ANK3: variants seen among roughly 807,000 people sequenced by gnomAD.
ANK3 encodes ankyrin-3.
ANK3 carries 57 observed loss-of-function variants against 370.9 expected under a neutral mutation model. The ratio of observed to expected loss-of-function variants is 0.15; its 90% CI spans 0.12 to 0.19. The LOEUF is 0.19. Ranked by LOEUF, ANK3 falls within the 10% of genes least tolerant of loss-of-function variation. ANK3 has a pLI of 1.00. For synonymous variants in ANK3, 1,929 were observed against 1,946.3 expected (o/e 0.99, Z 0.23); for missense variants, 4,439 against 5,302.1 (o/e 0.84, Z 5.06).
intron 2 of ANK3, among the ~76,000 whole-genome samples, chr10:60,574,022 C>A (rs192355785): frequency 9.5e-4 from 145 of 152,206 alleles, no homozygotes; most frequent in African/African-American, 3.3e-3. Flanking sequence ...AAAAACAAGT[C>A]ACAGAGGGCT....
In ANK3 at chr10:60,254,242, T is replaced by C. The variant is rs574000894; in HGVS notation, c.798+7617A>G. 4.0e-4 allele frequency among the ~76,000 whole-genome samples: 60 copies of C among 150,888 alleles called. 1 individual carries two copies. Among genetic ancestry groups the C allele is most frequent in the Admixed American group, 1.1e-3 (17 of 15,204 alleles). On this transcript the variant is annotated intron_variant, in intron 7 of 43. Transcript: ENST00000280772. ...GTATTCTTTTTTATTGTTTTTTTTT[T>C]CCCCCCAAATATCTTCCATCCATGG...
intron 20 of ANK3, 135 bp downstream of exon 20, chr10:60,172,765 G>A (rs2095827723): frequency 1.6e-6 from 1 of 633,678 alleles, no homozygotes; most frequent in South Asian, 2.0e-5. Context: ...TATGGTTATT[G>A]TCCTTCTTTC....
intron 30 of ANK3, among the ~76,000 whole-genome samples, chr10:60,086,230 T>C (rs1030814235): frequency 1.3e-5 from 2 of 152,198 alleles, no homozygotes; most frequent in Non-Finnish European, 2.9e-5. Flanking sequence ...AATAACCATG[T>C]ACTGAACAAT....
chr10:60,039,717 G>T (rs548628608), intron 43 of ANK3, among the ~76,000 whole-genome samples: 3 of 152,168 alleles, frequency 2.0e-5, no homozygotes, highest in Admixed American at 1.3e-4. Context: ...TTTTAAAAAA[G>T]GGGTTGGGGG....
chr10:60,670,532 T>G (rs549585778), intron 1 of ANK3, among the ~76,000 whole-genome samples: 2 of 152,262 alleles, frequency 1.3e-5, no homozygotes, highest in Non-Finnish European at 2.9e-5. Context: ...AATAGGTTTC[T>G]CACTGGCCTC....
rs2062930795 is a variant in ANK3, at chr10:60,389,704, C to G, written c.-166G>C. The G allele has an allele frequency of 6.9e-6, 10 of 1,441,626 alleles. No individual in the cohort carries two copies. In the South Asian group the frequency reaches 1.5e-4, roughly 22 times the overall value. The allele number at this position is 1,441,626 out of a possible 1,614,324, so 89.3% of individuals were successfully genotyped here. The stretch of plus-strand genomic sequence containing the variant: ...TGCAAAGATGCTGGAGAAGCTGAAG[C>G]TTTTAAAAACCCAAATGATGGTGTC... On this transcript the variant is annotated 5_prime_UTR_variant, in exon 1 of 44. Coordinates refer to ENST00000280772, the MANE Select transcript of ANK3 (RefSeq NM_020987.5).
intron 1 of ANK3, among the ~76,000 whole-genome samples, chr10:60,711,057 TGTTTAA>T (rs1301070041): frequency 5.3e-5 from 8 of 152,172 alleles, no homozygotes; most frequent in African/African-American, 1.7e-4. Flanking sequence ...CCCAAAATAA[TGTTTAA>T]GTAGCTAGTT....
At chr10:60,431,063 A>G (rs897204756) in intron 2 of ANK3, among the ~76,000 whole-genome samples, 2 of 152,208 alleles carry the variant, frequency 1.3e-5, no homozygotes, top group Non-Finnish European at 2.9e-5. Flanking sequence ...GGATGATTCA[A>G]GCACATTATA....
rs191472630 is a variant in ANK3 at position 60,485,606 on chromosome 10, A to T, written c.96+129580T>A. ...AAGCACAGCTCTCTAAGGGCGGGGT[A>T]GGTGTCCCCACCTGGTGTTCCCATT... On this transcript the variant is annotated intron_variant, in intron 2 of 43. Coordinates refer to the ANK3 transcript ENST00000373827. 4.4e-4 allele frequency among the ~76,000 whole-genome samples: 67 copies of T among 152,292 alleles called. No homozygotes were observed. In the East Asian group the frequency reaches 0.013, roughly 29 times the overall value.
At chr10:60,244,894 G>T (rs986172711) in intron 7 of ANK3, among the ~76,000 whole-genome samples, 1 of 152,194 alleles carries the variant, frequency 6.6e-6, no homozygotes, top group Non-Finnish European at 1.5e-5. Flanking sequence ...TTTGGGCCGG[G>T]CGCGGTGGCT....
intron 2 of ANK3, among the ~76,000 whole-genome samples, chr10:60,454,125 C>T (rs1044252968): frequency 1.3e-5 from 2 of 151,964 alleles, no homozygotes; most frequent in African/African-American, 4.8e-5. Flanking sequence ...GAACTGGATG[C>T]TTCCTTTACA....
At chr10:60,418,984 A>G (rs1284216396) in intron 2 of ANK3, among the ~76,000 whole-genome samples, 1 of 152,186 alleles carries the variant, frequency 6.6e-6, no homozygotes, top group African/African-American at 2.4e-5. Flanking sequence ...ACATATTAAA[A>G]AACAATTCTC....
intron 2 of ANK3, among the ~76,000 whole-genome samples, chr10:60,496,071 T>G (rs1418033575): frequency 6.6e-6 from 1 of 152,080 alleles, no homozygotes; most frequent in Non-Finnish European, 1.5e-5. Context: ...GTGTCTGGTA[T>G]ATGATGGAGC....
intron 1 of ANK3, among the ~76,000 whole-genome samples, chr10:60,285,548 C>A (rs1167379063): frequency 1.3e-5 from 2 of 152,080 alleles, no homozygotes; most frequent in Non-Finnish European, 2.9e-5. Flanking sequence ...CTTCTGTCAT[C>A]TCTTTGTTCA....
At chr10:60,174,634 A>G (rs889881277) in intron 18 of ANK3, among the ~76,000 whole-genome samples, 1 of 152,232 alleles carries the variant, frequency 6.6e-6, no homozygotes, top group Non-Finnish European at 1.5e-5. Context: ...TAAATATTAA[A>G]AAATTCTTTG....
In ANK3 at chr10:60,208,040, G is replaced by A; in HGVS notation, c.1190C>T (p.Ala397Val). Reference sequence around the variant, plus strand: ...CTCGCTGGTTGAGCCACTCACCAGGGCTTTGGCATTGGGGTTAGCTTTCTT... The same window carrying A: ...CTCGCTGGTTGAGCCACTCACCAGGACTTTGGCATTGGGGTTAGCTTTCTT... ...LDKKANPNAK[A>V]LNGFTPLHIA... The change falls in exon 10 of 44, where the codon GCC (alanine) becomes GTC (valine). Residue 397 changes from alanine (A) to valine (V), a missense_variant. Physicochemically the swap from Ala to Val is moderately conservative, Grantham distance 64 (BLOSUM62 0). Coordinates refer to ENST00000280772, the MANE Select transcript of ANK3 (RefSeq NM_020987.5). 6.2e-7 allele frequency: 1 copy of A among 1,613,442 alleles called. No individual in the cohort carries two copies. The highest frequency in any genetic ancestry group is 8.5e-7 in the Non-Finnish European group (1 of 1,179,884).
intron 38 of ANK3, among the ~76,000 whole-genome samples, chr10:60,067,541 A>G (rs2893822): frequency 0.99 from 151,303 of 152,300 alleles, 75,160 homozygotes; most frequent in Middle Eastern, 1. Flanking sequence ...TGCCTAGAAA[A>G]CTGCCCTAAG....
chr10:60,109,101 T>C, intron 26 of ANK3, 47 bp from the exon 27 acceptor site: 1 of 1,450,284 alleles, frequency 6.9e-7, no homozygotes, highest in African/African-American at 1.4e-5. Context: ...AAATAAACTG[T>C]GCTCACAGCA....
At chr10:60,599,017 G>A (rs1017574363) in intron 2 of ANK3, among the ~76,000 whole-genome samples, 12 of 152,110 alleles carry the variant, frequency 7.9e-5, no homozygotes, top group African/African-American at 1.4e-4. Flanking sequence ...CAGCCTTGAC[G>A]TCCTGGGCTC....
Sources: gnomAD v4.1 joint callset for allele counts (sites outside exome capture counted in the v4.1 genomes callset) on GRCh38, gnomAD v4.1.1 for gene constraint, MANE v1.5 for transcripts, NCBI Gene and HGNC (gene_info 2026-07-23, HGNC 2026-07-21) for gene names.